Variants in HTR4 observed in about 807,000 individuals in gnomAD.
HTR4 encodes 5-hydroxytryptamine (serotonin) receptor 4, G protein-coupled.
HTR4 carries 16 observed loss-of-function variants against 36.8 expected under a neutral mutation model. The ratio of observed to expected loss-of-function variants is 0.43; its 90% CI spans 0.29 to 0.66. The LOEUF is 0.66. HTR4 is among the 30% of genes least tolerant of loss of function. The pLI, the probability that HTR4 is intolerant of heterozygous loss-of-function variation, is 0.13. For missense variants in HTR4, 438 were observed against 490.9 expected (o/e 0.89, Z 1.02); for synonymous variants, 189 against 185.1 (o/e 1.02, Z -0.17).
chr5:148,499,862 A>G (rs1756858093), intron 6 of HTR4, among the ~76,000 whole-genome samples: 1 of 152,136 alleles, frequency 6.6e-6, no homozygotes. Flanking sequence ...AAAAGAGTCT[A>G]GCATCTCCCT....
intron 2 of HTR4, among the ~76,000 whole-genome samples, chr5:148,598,650 A>G (rs895550429): frequency 2.0e-5 from 3 of 152,210 alleles, no homozygotes; most frequent in Non-Finnish European, 4.4e-5. Flanking sequence ...GAAGTCTAGC[A>G]CTTTAAAAAG....
chr5:148,567,344 A>T (rs1030579770), intron 2 of HTR4, among the ~76,000 whole-genome samples: 4 of 152,122 alleles, frequency 2.6e-5, no homozygotes, highest in African/African-American at 9.7e-5. Flanking sequence ...TACTTCTTAC[A>T]AGTTTATTTC....
At chr5:148,600,696 C>T (rs1761958390) in intron 2 of HTR4, among the ~76,000 whole-genome samples, 2 of 151,532 alleles carry the variant, frequency 1.3e-5, no homozygotes, top group South Asian at 4.2e-4. Context: ...ACGCTGACAA[C>T]AAAAACCAGT....
chr5:148,643,311 C>A (rs1201531436), intron 1 of HTR4, among the ~76,000 whole-genome samples: 2 of 151,924 alleles, frequency 1.3e-5, no homozygotes, highest in Non-Finnish European at 2.9e-5. Flanking sequence ...AAAGGCATAC[C>A]CAAGCAACCT....
intron 2 of HTR4, among the ~76,000 whole-genome samples, chr5:148,560,205 TAAAAAAA>T (rs34166829): frequency 9.8e-5 from 9 of 91,438 alleles, no homozygotes; most frequent in Non-Finnish European, 2.1e-4. Flanking sequence ...GCTTTTTTTT[TAAAAAAA>T]AAAAAAAAAA....
In HTR4 at chr5:148,623,734, T is replaced by C. The variant is rs570965693; in HGVS notation, c.26+13255A>G. 2.0e-5 allele frequency among the ~76,000 whole-genome samples: 3 copies of C among 152,266 alleles called. No individual in the cohort carries two copies. In the East Asian group the frequency reaches 5.8e-4, roughly 29 times the overall value. ...ATACACAGGAGGGACTTCAACCCTCTTTTGGAGTGTTCCCGTGCTAACGTT... is the reference window on the plus strand; with the variant it reads ...ATACACAGGAGGGACTTCAACCCTCCTTTGGAGTGTTCCCGTGCTAACGTT... On this transcript the variant is annotated intron_variant, in intron 2 of 6. Coordinates refer to ENST00000377888, the MANE Select transcript of HTR4 (RefSeq NM_000870.7).
intron 4 of HTR4, among the ~76,000 whole-genome samples, chr5:148,536,926 A>G (rs550876378): frequency 6.6e-6 from 1 of 152,358 alleles, no homozygotes; most frequent in East Asian, 1.9e-4. Context: ...CCAAAACAAC[A>G]GAATATACAT....
At chr5:148,607,675 T>C (rs1489209036) in intron 2 of HTR4, among the ~76,000 whole-genome samples, 1 of 152,124 alleles carries the variant, frequency 6.6e-6, no homozygotes, top group African/African-American at 2.4e-5. Flanking sequence ...CAGTAATTAG[T>C]TCATCACAGG....
chr5:148,570,979 T>A (rs1418503022), intron 2 of HTR4, among the ~76,000 whole-genome samples: 1 of 152,048 alleles, frequency 6.6e-6, no homozygotes, highest in Admixed American at 6.6e-5. Context: ...TTGAGATATC[T>A]TTGGGATACT....
At chr5:148,518,350 G>A (rs1034300988) in intron 5 of HTR4, among the ~76,000 whole-genome samples, 7 of 152,016 alleles carry the variant, frequency 4.6e-5, no homozygotes, top group African/African-American at 7.2e-5. Flanking sequence ...TACCCTAAGC[G>A]CCTGAATTAG....
chr5:148,473,335 C>T (rs1427786142), downstream of HTR4, among the ~76,000 whole-genome samples: 2 of 150,606 alleles, frequency 1.3e-5, no homozygotes, highest in African/African-American at 2.5e-5. Flanking sequence ...AGAAGATAGC[C>T]GTAGTTGTCC....
chr5:148,583,445 A>G (rs1443432216), intron 2 of HTR4, among the ~76,000 whole-genome samples: 1 of 151,856 alleles, frequency 6.6e-6, no homozygotes, highest in Non-Finnish European at 1.5e-5. Context: ...AATAATAATA[A>G]TAAATAAAGT....
chr5:148,477,526 T>C (rs545080818), downstream of HTR4, among the ~76,000 whole-genome samples: 5 of 152,222 alleles, frequency 3.3e-5, no homozygotes, highest in Non-Finnish European at 7.3e-5. Context: ...CTGGGCTCCA[T>C]TTCCAGCTGC....
At chr5:148,492,074 T>C (rs1756479130) in intron 6 of HTR4, among the ~76,000 whole-genome samples, 1 of 152,210 alleles carries the variant, frequency 6.6e-6, no homozygotes, top group South Asian at 2.1e-4. Flanking sequence ...ACGTTGGGCA[T>C]TTCTGGAGCT....
chr5:148,641,727 C>T (rs1245013024), intron 1 of HTR4, among the ~76,000 whole-genome samples: 1 of 152,172 alleles, frequency 6.6e-6, no homozygotes. Flanking sequence ...CCACTCAACA[C>T]CATTCCAACC....
chr5:148,594,702 C>G (rs752747426), intron 2 of HTR4, among the ~76,000 whole-genome samples: 6 of 152,116 alleles, frequency 3.9e-5, no homozygotes, highest in Non-Finnish European at 5.9e-5. Flanking sequence ...AACCCAGTCA[C>G]TGTTCAAATG....
intron 2 of HTR4, among the ~76,000 whole-genome samples, chr5:148,608,387 G>A (rs1752270223): frequency 6.6e-6 from 1 of 152,136 alleles, no homozygotes; most frequent in Non-Finnish European, 1.5e-5. Flanking sequence ...GGCTTTGGTG[G>A]TCCACAAAAG....
chr5:148,528,072 G>C (rs1758369082), intron 4 of HTR4, among the ~76,000 whole-genome samples: 1 of 152,170 alleles, frequency 6.6e-6, no homozygotes, highest in African/African-American at 2.4e-5. Flanking sequence ...ATCTAGGGTG[G>C]TTAGGCAAGG....
intron 2 of HTR4, among the ~76,000 whole-genome samples, chr5:148,633,890 G>A (rs76916679): frequency 1.6e-4 from 24 of 151,994 alleles, no homozygotes; most frequent in Admixed American, 3.3e-4. Context: ...ATTTTTCATA[G>A]TAATTCTTTG....
Sources: gnomAD v4.1 joint callset for allele counts (sites outside exome capture counted in the v4.1 genomes callset) on GRCh38, gnomAD v4.1.1 for gene constraint, MANE v1.5 for transcripts, NCBI Gene and HGNC (gene_info 2026-07-23, HGNC 2026-07-21) for gene names.